Variants in SYNE1 observed in about 807,000 individuals in gnomAD.
The protein encoded by SYNE1 is nesprin-1.
In SYNE1, 616 loss-of-function variants were observed where a neutral mutation model predicts 1,111.0. That is an observed-to-expected ratio of 0.55 (90% CI 0.52 to 0.59). The LOEUF (loss-of-function observed/expected upper bound fraction) is 0.59. Ranked by LOEUF, SYNE1 falls within the 20% of genes least tolerant of loss-of-function variation. The probability of loss-of-function intolerance (pLI) is 0.00; values close to 1 mark genes in which losing one functional copy is unlikely to be tolerated. For missense variants in SYNE1, 10,006 were observed against 10,417.0 expected (o/e 0.96, Z 1.72); for synonymous variants, 3,855 against 3,825.8 (o/e 1.01, Z -0.28).
At position 152,220,824 on chromosome 6, in the gene SYNE1, G is replaced by C; in HGVS notation, c.21861+18C>G. On this transcript the variant is annotated intron_variant, in intron 119 of 145. Coordinates refer to ENST00000367255, the MANE Select transcript of SYNE1 (RefSeq NM_182961.4). ...TAAGAAGGGCATGTGGGGAAAACAA[G>C]GTAGCTCCTGAACATACGTTGCAAT... 1 of 1,611,170 alleles carries C rather than the reference G, an allele frequency of 6.2e-7. No individual in the cohort carries two copies. Among genetic ancestry groups the C allele is most frequent in the African/African-American group, 1.3e-5 (1 of 74,996 alleles).
intron 11 of SYNE1, among the ~76,000 whole-genome samples, chr6:152,493,273 C>T (rs561422460): frequency 2.0e-5 from 3 of 152,236 alleles, no homozygotes; most frequent in South Asian, 4.1e-4. Flanking sequence ...ATTGTCTTGC[C>T]TATCCACCCC....
At chr6:152,337,080 C>T in intron 75 of SYNE1, 63 bp from the exon 76 acceptor site, 2 of 1,548,752 alleles carry the variant, frequency 1.3e-6, no homozygotes, top group Middle Eastern at 1.8e-4. Flanking sequence ...GTTAATGAAT[C>T]AGAGATGGAA....
At chr6:152,363,317 AC>A (rs1252141484) in intron 63 of SYNE1, among the ~76,000 whole-genome samples, 2 of 141,888 alleles carry the variant, frequency 1.4e-5, no homozygotes, top group African/African-American at 2.6e-5. Flanking sequence ...ACACAGTGAA[AC>A]CCCGTCTCTA....
At chr6:152,481,810 G>A (rs1052604732) in intron 14 of SYNE1, among the ~76,000 whole-genome samples, 5 of 149,540 alleles carry the variant, frequency 3.3e-5, no homozygotes, top group African/African-American at 1.2e-4. Context: ...CTGAACTCTG[G>A]GTCCCTTACG....
rs2099083117 is a variant in SYNE1, at chr6:152,511,200, T to G, written c.310-97A>C. ...GGCCTTTAGTAGACATCAATAAGATTTGATCATGCCTATGTAATAGTACAT... is the reference window on the plus strand; with the variant it reads ...GGCCTTTAGTAGACATCAATAAGATGTGATCATGCCTATGTAATAGTACAT... On this transcript the variant is annotated intron_variant, in intron 6 of 145. Coordinates refer to ENST00000367255, the MANE Select transcript of SYNE1 (RefSeq NM_182961.4). The G allele has an allele frequency of 4.7e-6, 5 of 1,073,600 alleles. No homozygotes were observed. In the Middle Eastern group the frequency reaches 8.2e-4, roughly 175 times the overall value. The allele number at this position is 1,073,600 out of a possible 1,614,324, so 66.5% of individuals were successfully genotyped here.
chr6:152,575,581 A>G (rs992556788), intron 3 of SYNE1, among the ~76,000 whole-genome samples: 4 of 152,268 alleles, frequency 2.6e-5, no homozygotes, highest in African/African-American at 9.6e-5. Flanking sequence ...ACTACAGTTC[A>G]GTAATCCAAT....
At chr6:152,552,075 T>C (rs1595198635) in intron 3 of SYNE1, among the ~76,000 whole-genome samples, 1 of 152,224 alleles carries the variant, frequency 6.6e-6, no homozygotes, top group Admixed American at 6.5e-5. Flanking sequence ...AACCTGAAAC[T>C]GTATTCCAAT....
At chr6:152,224,054 A>G (rs1038892114) in intron 117 of SYNE1, among the ~76,000 whole-genome samples, 1 of 152,222 alleles carries the variant, frequency 6.6e-6, no homozygotes, top group Non-Finnish European at 1.5e-5. Flanking sequence ...TAGGCCACTG[A>G]TATTTTACTG....
chr6:152,259,277 T>G (rs1252147052), intron 101 of SYNE1, among the ~76,000 whole-genome samples: 1 of 151,594 alleles, frequency 6.6e-6, no homozygotes, highest in African/African-American at 2.4e-5. Flanking sequence ...GTTGCCTAAT[T>G]TTTTTTTTAG....
At chr6:152,227,526 C>T (rs922583211) in intron 115 of SYNE1, among the ~76,000 whole-genome samples, 1 of 151,994 alleles carries the variant, frequency 6.6e-6, no homozygotes, top group Non-Finnish European at 1.5e-5. Context: ...TTGATAATTA[C>T]CAGAGAATAA....
intron 3 of SYNE1, among the ~76,000 whole-genome samples, chr6:152,576,082 C>T (rs2099495365): frequency 6.6e-6 from 1 of 152,338 alleles, no homozygotes; most frequent in Non-Finnish European, 1.5e-5. Context: ...ATTGTTCCTG[C>T]TGTGTTTTTT....
intron 38 of SYNE1, among the ~76,000 whole-genome samples, chr6:152,426,844 A>G (rs1488448875): frequency 6.6e-6 from 1 of 152,216 alleles, no homozygotes; most frequent in East Asian, 1.9e-4. Flanking sequence ...GAAGGAGAAC[A>G]TTTAAAGGTG....
chr6:152,164,269 C>T lies in SYNE1; in HGVS notation c.23684G>A (p.Ser7895Asn). The change falls in exon 131 of 146, where the codon AGC (serine) becomes AAC (asparagine). Residue 7895 changes from serine (S) to asparagine (N), a missense_variant. By Grantham distance (46) the Ser-to-Asn change is conservative. This residue lies in a region of SYNE1 where 2,182 missense variants were observed against 2,287.8 expected (regional missense o/e 0.95). Transcript: ENST00000367255. ...VAVQQLDKNMSSLRTWLAHIE... is the reference protein window; with the variant it reads ...VAVQQLDKNMNSLRTWLAHIE... ...GTGAGCGAGCCAGGTCCTCAGGCTG[C>T]TCATGTTCTTATCAAGCTGCTGCAC... The T allele has an allele frequency of 1.9e-6, 3 of 1,614,174 alleles. No homozygotes were observed. Among genetic ancestry groups the T allele is most frequent in the Non-Finnish European group, 2.5e-6 (3 of 1,180,044 alleles).
In SYNE1 at chr6:152,331,296, G is replaced by C; in HGVS notation, c.13389C>G (p.Phe4463Leu). ...GTTGCTGAATTTGGCTGGTGGCCTG[G>C]AACACTGCCATGAGAAACTGGGTTT... ...SEKTQFLMAV[F>L]QATSQIQQHE... is the part of the protein sequence containing the mutation. Residue 4463 changes from phenylalanine (F) to leucine (L), a missense_variant, in exon 78 of 146, where the codon TTC (phenylalanine) becomes TTG (leucine). By Grantham distance (22) the Phe-to-Leu change is conservative (BLOSUM62 0). This residue lies in a region of SYNE1 where 4,955 missense variants were observed against 5,017.2 expected (regional missense o/e 0.99). Coordinates refer to ENST00000367255, the MANE Select transcript of SYNE1 (RefSeq NM_182961.4). The C allele has an allele frequency of 1.2e-6, 2 of 1,614,096 alleles. No individual in the cohort carries two copies. Among genetic ancestry groups the C allele is most frequent in the South Asian group, 1.1e-5 (1 of 91,074 alleles).
chr6:152,355,698 A>G (rs949219347), intron 66 of SYNE1, among the ~76,000 whole-genome samples: 1 of 152,206 alleles, frequency 6.6e-6, no homozygotes, highest in Non-Finnish European at 1.5e-5. Context: ...GCACACTTAT[A>G]TTTCTGGTGA....
In SYNE1 at chr6:152,387,088, A is replaced by G; in HGVS notation, c.8471T>C (p.Ile2824Thr). 1.2e-6 allele frequency: 2 copies of G among 1,613,624 alleles called. No individual in the cohort carries two copies. Among genetic ancestry groups the G allele is most frequent in the Non-Finnish European group, 1.7e-6 (2 of 1,179,622 alleles). ...AGCACTAACCTTGGCAACAGTCATT[A>G]TATCATTAAACTGTGTTTTCAGCTC... The part of the protein sequence containing the change: ...QEELKTQFND[I>T]MTVAKEKMRK... Residue 2824 changes from isoleucine (I) to threonine (T), a missense_variant, in exon 54 of 146, where the codon ATA becomes ACA. Physicochemically the swap from Ile to Thr is moderately conservative, Grantham distance 89. This residue lies in a region of SYNE1 where 4,955 missense variants were observed against 5,017.2 expected (regional missense o/e 0.99). Transcript: ENST00000367255.
chr6:152,236,994 C>T (rs1471465427), intron 108 of SYNE1, 46 bp from the exon 109 acceptor site: 24 of 1,607,976 alleles, frequency 1.5e-5, no homozygotes, highest in South Asian at 4.4e-5. Context: ...CCCTCATTAG[C>T]GAAAGACATT....
intron 11 of SYNE1, among the ~76,000 whole-genome samples, chr6:152,491,612 T>C (rs2098971039): frequency 6.6e-6 from 1 of 152,200 alleles, no homozygotes; most frequent in Non-Finnish European, 1.5e-5. Context: ...AACAGCACTT[T>C]TGATTTCTCC....
chr6:152,253,821 T>TGTTTG (rs1562527323), intron 104 of SYNE1, among the ~76,000 whole-genome samples: 1 of 49,966 alleles, frequency 2.0e-5, no homozygotes, highest in African/African-American at 1.9e-4. Flanking sequence ...TGGTTTGGTT[T>TGTTTG]TTTTTTTTTT....
Sources: gnomAD v4.1 joint callset for allele counts (sites outside exome capture counted in the v4.1 genomes callset) on GRCh38, gnomAD v4.1.1 for gene constraint, gnomAD v4.1.1 regional missense constraint, MANE v1.5 for transcripts, NCBI Gene and HGNC (gene_info 2026-07-23, HGNC 2026-07-21) for gene names.